The following EML1 variants were observed in gnomAD, a reference collection of about 807,000 sequenced individuals.
The protein encoded by EML1 is EMAP like 1.
Under a neutral mutation model 110.4 loss-of-function variants are expected in EML1, and 27 were observed. The ratio of observed to expected loss-of-function variants is 0.24; its 90% CI spans 0.18 to 0.34. The LOEUF is 0.34. Ranked by LOEUF, EML1 falls within the 10% of genes least tolerant of loss-of-function variation. EML1 has a pLI of 1.00. For synonymous variants in EML1, 344 were observed against 385.8 expected (o/e 0.89, Z 1.27); for missense variants, 741 against 1,030.9 (o/e 0.72, Z 3.85).
intron 1 of EML1, among the ~76,000 whole-genome samples, chr14:99,796,034 A>G (rs933918897): frequency 6.6e-6 from 1 of 152,134 alleles, no homozygotes; most frequent in African/African-American, 2.4e-5. Context: ...AAAATTTTTA[A>G]AAGTTGGCTG....
At position 99,911,554 on chromosome 14, in the gene EML1, A is replaced by G; in HGVS notation, c.1472A>G (p.Tyr491Cys). 6.2e-7 allele frequency: 1 copy of G among 1,612,806 alleles called. No individual in the cohort carries two copies. The highest frequency in any genetic ancestry group is 8.5e-7 in the Non-Finnish European group (1 of 1,179,808). ...AAGCTCATTTCTTGGAGCGGAAACT[A>G]TCAAAAACTTCGTAAAACGGAGGTA... ...DRKLISWSGN[Y>C]QKLRKTEIPE... The change falls in exon 13 of 22, where the codon TAT (tyrosine) becomes TGT (cysteine). Residue 491 changes from tyrosine to cysteine, a missense_variant. Around this residue, in one of 4 missense-constraint regions of EML1, gnomAD observed 388 missense variants for 605.6 expected, o/e 0.64. Transcript: ENST00000262233.
intron 4 of EML1, among the ~76,000 whole-genome samples, chr14:99,889,366 G>C (rs1280287152): frequency 6.6e-6 from 1 of 152,124 alleles, no homozygotes; most frequent in South Asian, 2.1e-4. Context: ...AATTCCACAG[G>C]AGCTCCAGGC....
intron 1 of EML1, among the ~76,000 whole-genome samples, chr14:99,753,244 G>A (rs947863552): frequency 1.7e-5 from 2 of 118,244 alleles, no homozygotes; most frequent in African/African-American, 3.2e-5. Flanking sequence ...CCTGCTTTCC[G>A]AGGGGCATTT....
At chr14:99,777,836 C>T (rs1343578758) in intron 1 of EML1, among the ~76,000 whole-genome samples, 3 of 152,156 alleles carry the variant, frequency 2.0e-5, no homozygotes, top group African/African-American at 4.8e-5. Context: ...CAGGTTCATG[C>T]TCTGTTGCCC....
In EML1 at chr14:99,746,128, A is replaced by G. The variant is rs77492620; in HGVS notation, c.28+8268A>G. On this transcript the variant is annotated intron_variant, in intron 1 of 10. Transcript: ENST00000554479. ...TTTAACCTATGTAGTCAATGTTATC[A>G]TTCCATTTTATAGACGAGCAAATGG... Among the ~76,000 whole-genome samples the G allele has an allele frequency of 2.0e-3, 302 of 152,310 alleles. 2 individuals are homozygous for G. The highest frequency in any genetic ancestry group is 6.9e-3 in the African/African-American group (285 of 41,562).
At position 99,764,755 on chromosome 14, in the gene EML1, G is replaced by T. The variant is rs755172202; in HGVS notation, c.28+26895G>T. ...CATGGCCACTGAACCACAGGAGCTT[G>T]GAGCAGGATGTGATACAGTTTCTTG... On this transcript the variant is annotated intron_variant, in intron 1 of 10. Coordinates refer to the EML1 transcript ENST00000554479. Among the ~76,000 whole-genome samples, 4 of 152,338 alleles carry T rather than the reference G, an allele frequency of 2.6e-5. 1 individual carries two copies. The South Asian group carries it at 8.3e-4, about 32-fold the overall frequency.
chr14:99,829,662 G>A (rs544439283), intron 1 of EML1, among the ~76,000 whole-genome samples: 1 of 152,262 alleles, frequency 6.6e-6, no homozygotes, highest in Admixed American at 6.5e-5. Flanking sequence ...GTAACCCACA[G>A]TCTGCTTTCT....
chr14:99,864,732 A>AACC (rs2059062934), intron 2 of EML1, among the ~76,000 whole-genome samples: 1 of 151,454 alleles, frequency 6.6e-6, no homozygotes, highest in Non-Finnish European at 1.5e-5. Context: ...GAATCGCTTG[A>AACC]ACCCAGGAGA....
At chr14:99,799,182 A>G (rs2057830222) in intron 1 of EML1, among the ~76,000 whole-genome samples, 1 of 152,242 alleles carries the variant, frequency 6.6e-6, no homozygotes, top group African/African-American at 2.4e-5. Context: ...AAATTTTGAA[A>G]TCACTATAAT....
At chr14:99,803,340 G>C (rs2139689728) in intron 1 of EML1, among the ~76,000 whole-genome samples, 1 of 152,318 alleles carries the variant, frequency 6.6e-6, no homozygotes, top group African/African-American at 2.4e-5. Flanking sequence ...AATGTGTATA[G>C]TATATACCAC....
rs965230275 is a variant in EML1 at position 99,827,507 on chromosome 14, T to C, written c.68-23346T>C. Reference sequence around the variant, plus strand: ...GCTTACTTGTGTTACCCCAAATTCATGTGTTGAATCTCTAACCCTAGTGCC... The same window carrying C: ...GCTTACTTGTGTTACCCCAAATTCACGTGTTGAATCTCTAACCCTAGTGCC... On this transcript the variant is annotated intron_variant, in intron 1 of 21. Coordinates refer to ENST00000262233, the MANE Select transcript of EML1 (RefSeq NM_004434.3). The surrounding 1 kb of genome is among the most constrained non-coding windows in gnomAD (Gnocchi z 4.4). Among the ~76,000 whole-genome samples the C allele has an allele frequency of 3.3e-5, 5 of 152,160 alleles. No homozygotes were observed. Among genetic ancestry groups the C allele is most frequent in the Non-Finnish European group, 5.9e-5 (4 of 68,030 alleles).
intron 1 of EML1, among the ~76,000 whole-genome samples, chr14:99,843,435 G>A (rs1021480819): frequency 9.0e-6 from 1 of 111,020 alleles, no homozygotes; most frequent in Non-Finnish European, 1.9e-5. Context: ...AACAACAATA[G>A]TAACAATAAC....
intron 1 of EML1, among the ~76,000 whole-genome samples, chr14:99,801,732 T>C (rs1248931861): frequency 1.3e-5 from 2 of 152,162 alleles, no homozygotes; most frequent in African/African-American, 4.8e-5. Flanking sequence ...CATCCCTTCC[T>C]CCCTGGCTCG....
chr14:99,857,025 A>G (rs980472563), intron 2 of EML1, among the ~76,000 whole-genome samples: 1 of 152,232 alleles, frequency 6.6e-6, no homozygotes, highest in Non-Finnish European at 1.5e-5. Flanking sequence ...TAATCCCAGC[A>G]CTTTGGGAGG....
upstream of EML1, among the ~76,000 whole-genome samples, chr14:99,770,885 C>T (rs866641315): frequency 1.9e-4 from 29 of 148,934 alleles, no homozygotes; most frequent in Non-Finnish European, 3.4e-4. Flanking sequence ...CCCGGGTTCA[C>T]GCCATTCGCC....
In EML1 at chr14:99,784,097, CTT is replaced by C. The variant is rs771078193; in HGVS notation, c.-27+10094_-27+10095del. ...AAATGTAAGGACTTTTTCTTGTCTT[CTT>C]TTTTTTTTTGAGATAGGATCTTGCT... On this transcript the variant is annotated intron_variant, in intron 1 of 22. Transcript: ENST00000327921. This position sits in a 1 kb window ranked among gnomAD's most constrained non-coding sequence, Gnocchi z 4.5. Among the ~76,000 whole-genome samples the C allele has an allele frequency of 6.8e-6, 1 of 147,134 alleles. No homozygotes were observed.
intron 9 of EML1, among the ~76,000 whole-genome samples, chr14:99,901,740 G>A (rs1006685561): frequency 3.9e-5 from 6 of 152,114 alleles, no homozygotes; most frequent in African/African-American, 1.2e-4. Context: ...TGGTTTTGGC[G>A]GGATTTAGCC....
Position 99,811,473 on chromosome 14 carries a change from C to G in EML1, c.67+17930C>G, listed in dbSNP as rs763913288. Among the ~76,000 whole-genome samples, 40 of 151,542 alleles carry G rather than the reference C, an allele frequency of 2.6e-4. 1 individual carries two copies. Among genetic ancestry groups the G allele is most frequent in the Non-Finnish European group, 5.7e-4 (39 of 67,868 alleles). On this transcript the variant is annotated intron_variant, in intron 1 of 21. Transcript: ENST00000262233. ...TGTTATATGTATTGTATACTGTATTCTTACAATACAGTGAGCTAGGGAAAG... is the reference window on the plus strand; with the variant it reads ...TGTTATATGTATTGTATACTGTATTGTTACAATACAGTGAGCTAGGGAAAG...
At chr14:99,879,472 C>T (rs191311108) in intron 4 of EML1, among the ~76,000 whole-genome samples, 1 of 151,538 alleles carries the variant, frequency 6.6e-6, no homozygotes, top group Admixed American at 6.6e-5. Flanking sequence ...AAGGAGAAGG[C>T]TTAGTCATAA....
Sources: gnomAD v4.1 joint callset for allele counts (sites outside exome capture counted in the v4.1 genomes callset) on GRCh38, gnomAD v4.1.1 for gene constraint, gnomAD v4.1.1 regional missense constraint, Gnocchi (gnomAD v3.1) non-coding constraint, MANE v1.5 for transcripts, NCBI Gene and HGNC (gene_info 2026-07-23, HGNC 2026-07-21) for gene names.